The following PPP1R12B variants were observed in gnomAD, a reference collection of about 807,000 sequenced individuals.
The protein encoded by PPP1R12B is myosin phosphatase target subunit 2.
In PPP1R12B, 76 loss-of-function variants were observed where a neutral mutation model predicts 126.1. The ratio of observed to expected loss-of-function variants is 0.60; its 90% CI spans 0.50 to 0.73. The LOEUF (loss-of-function observed/expected upper bound fraction) is 0.73, where lower values mean the gene tolerates loss of function less well. PPP1R12B is among the 30% of genes least tolerant of loss of function. The pLI is 0.00. For missense variants in PPP1R12B, 1,052 were observed against 1,205.1 expected, an observed-to-expected ratio of 0.87 and a Z score of 1.88; for synonymous variants, 356 against 434.7, an observed-to-expected ratio of 0.82 and a Z score of 2.25.
intron 18 of PPP1R12B, among the ~76,000 whole-genome samples, chr1:202,536,471 C>T (rs1182175348): frequency 6.6e-6 from 1 of 152,178 alleles, no homozygotes; most frequent in Non-Finnish European, 1.5e-5. Context: ...TGAATGAATG[C>T]ACCTTACAGG....
At position 202,516,793 on chromosome 1, in the gene PPP1R12B, T is replaced by G. The variant is rs868696984; in HGVS notation, c.2490+19971T>G. Among the ~76,000 whole-genome samples, 5 of 152,246 alleles carry G rather than the reference T, an allele frequency of 3.3e-5. 1 individual carries two copies. In the South Asian group the frequency reaches 1.0e-3, roughly 31 times the overall value. ...GTTAAGAATAGATGGCAGGTCAACA[T>G]TCTTGCCTACTCCTGCAAGAGCATC... On this transcript the variant is annotated intron_variant, in intron 18 of 23. Coordinates refer to ENST00000608999, the MANE Select transcript of PPP1R12B (RefSeq NM_002481.4).
At chr1:202,511,063 ATATATAT>A (rs1681434606) in intron 18 of PPP1R12B, among the ~76,000 whole-genome samples, 1 of 146,956 alleles carries the variant, frequency 6.8e-6, no homozygotes, top group Non-Finnish European at 1.5e-5. Context: ...ATAATATATA[ATATATAT>A]TATATATATT....
rs1486965775 is a variant in PPP1R12B at position 202,371,204 on chromosome 1, A to G, written c.291+22062A>G. On this transcript the variant is annotated intron_variant, in intron 1 of 23. Coordinates refer to ENST00000608999, the MANE Select transcript of PPP1R12B (RefSeq NM_002481.4). ...CTATTTTTTTTTTTTTTTTTTTTGT[A>G]GAGACAGAGTCCTGCTATGTTGCTC... is the stretch of plus-strand genomic sequence containing the variant. Among the ~76,000 whole-genome samples, 5 of 95,570 alleles carry G rather than the reference A, an allele frequency of 5.2e-5. No homozygotes were observed. The Admixed American group carries it at 6.1e-4, about 12-fold the overall frequency. 62.7% of individuals were successfully genotyped at this position (95,570 alleles called of 152,430 possible).
At chr1:202,563,823 G>A (rs972672806) in intron 20 of PPP1R12B, among the ~76,000 whole-genome samples, 2 of 151,958 alleles carry the variant, frequency 1.3e-5, no homozygotes, top group Non-Finnish European at 2.9e-5. Context: ...ATCCCAGCAC[G>A]TTGGGAGGGT....
intron 18 of PPP1R12B, among the ~76,000 whole-genome samples, chr1:202,522,488 G>T (rs1682879717): frequency 6.6e-6 from 1 of 151,912 alleles, no homozygotes; most frequent in Non-Finnish European, 1.5e-5. Flanking sequence ...ATCAGTAGGG[G>T]AAAGAGAAAA....
chr1:202,386,598 C>T (rs1441980573), intron 1 of PPP1R12B, among the ~76,000 whole-genome samples: 2 of 152,196 alleles, frequency 1.3e-5, no homozygotes, highest in East Asian at 3.9e-4. Flanking sequence ...GGATTACAGG[C>T]GTGAGCCACG....
intron 1 of PPP1R12B, among the ~76,000 whole-genome samples, chr1:202,351,188 G>C (rs961657777): frequency 2.0e-5 from 3 of 151,274 alleles, no homozygotes; most frequent in African/African-American, 4.9e-5. Flanking sequence ...GTTACAATGT[G>C]TGTCTCCATG....
intron 22 of PPP1R12B, among the ~76,000 whole-genome samples, 180 bp downstream of exon 22, chr1:202,568,011 T>C (rs1688220044): frequency 6.6e-6 from 1 of 152,320 alleles, no homozygotes. Context: ...ATTTGATTGC[T>C]AGTCCTTTTG....
At chr1:202,482,060 A>T (rs968379452) in intron 13 of PPP1R12B, among the ~76,000 whole-genome samples, 5 of 152,020 alleles carry the variant, frequency 3.3e-5, no homozygotes, top group African/African-American at 1.2e-4. Context: ...GTTGTTGCAA[A>T]TGACAAGATT....
intron 10 of PPP1R12B, chr1:202,439,329 A>G (rs1272673045): frequency 9.9e-6 from 14 of 1,417,668 alleles, no homozygotes; most frequent in Non-Finnish European, 6.0e-6. Flanking sequence ...GGCAGCCCTG[A>G]AGCTGGAACC....
In PPP1R12B at chr1:202,394,966, A is replaced by G. The variant is rs138962010; in HGVS notation, c.292-21821A>G. On this transcript the variant is annotated intron_variant, in intron 1 of 23. Transcript: ENST00000608999. ...AACCCTGTCTCTACTAAAAATACAA[A>G]AATTAGCTGGATGTGGTAGTGGGCG... Among the ~76,000 whole-genome samples the G allele has an allele frequency of 7.1e-3, 1,074 of 151,990 alleles. 12 individuals are homozygous for G. The highest frequency in any genetic ancestry group is 0.025 in the African/African-American group (1,032 of 41,470).
intron 18 of PPP1R12B, among the ~76,000 whole-genome samples, chr1:202,542,697 A>G (rs1430222129): frequency 6.6e-6 from 1 of 151,950 alleles, no homozygotes; most frequent in Non-Finnish European, 1.5e-5. Context: ...TCCCAGTCAT[A>G]CTCTCTGGGA....
chr1:202,390,848 G>A (rs2843409), intron 1 of PPP1R12B, among the ~76,000 whole-genome samples: 70,708 of 151,842 alleles, frequency 0.47, 16,899 homozygotes, highest in Middle Eastern at 0.63. Context: ...GATCACTTGA[G>A]TCCTGGAGTT....
intron 1 of PPP1R12B, among the ~76,000 whole-genome samples, chr1:202,402,679 C>T (rs996116250): frequency 5.9e-5 from 9 of 152,152 alleles, no homozygotes; most frequent in African/African-American, 9.7e-5. Context: ...TCCTTGGCCT[C>T]GGACAGTGCT....
At position 202,562,867 on chromosome 1, in the gene PPP1R12B, G is replaced by A. The variant is rs377041703; in HGVS notation, c.2597G>A (p.Arg866His). The change falls in exon 20 of 24, where the codon CGC (arginine) becomes CAC (histidine). Residue 866 changes from arginine (R) to histidine (H), a missense_variant. Arg to His is a conservative substitution (Grantham distance 29). Transcript: ENST00000608999. ...GCCCGTCGGGAGGCCCGGGAGGCCC[G>A]CCTAGCCACCCTGACCAGCCGTGTA... Reference protein sequence around the residue: ...ARARREAREARLATLTSRVEE... With the variant: ...ARARREAREAHLATLTSRVEE... 48 of 1,612,254 alleles carry A rather than the reference G, an allele frequency of 3.0e-5. No individual in the cohort carries two copies. Among genetic ancestry groups the A allele is most frequent in the South Asian group, 2.2e-5 (2 of 90,788 alleles).
rs868396937 is a variant in PPP1R12B at position 202,585,647 on chromosome 1, T to C, written c.*5087T>C. The C allele has an allele frequency of 2.6e-5, 4 of 152,384 alleles. No homozygotes were observed. The highest frequency in any genetic ancestry group is 3.4e-3 in the Middle Eastern group (1 of 294). The allele number at this position is 152,384 out of a possible 1,614,324, so 9.4% of individuals were successfully genotyped here. On this transcript the variant is annotated 3_prime_UTR_variant, in exon 24 of 24. Coordinates refer to ENST00000608999, the MANE Select transcript of PPP1R12B (RefSeq NM_002481.4). ...AATCCAAGTCCAGAATTTTTTGTTT[T>C]CTTCTGGATTTAAACTGTTTAATAT...
intron 1 of PPP1R12B, among the ~76,000 whole-genome samples, chr1:202,384,429 G>A (rs567444230): frequency 4.6e-4 from 70 of 152,240 alleles, no homozygotes; most frequent in African/African-American, 1.6e-3. Context: ...AAAACATTAC[G>A]CGAAGTGAAA....
At chr1:202,480,885 A>G (rs1677264080) in intron 13 of PPP1R12B, among the ~76,000 whole-genome samples, 1 of 152,198 alleles carries the variant, frequency 6.6e-6, no homozygotes. Context: ...AATATGAAAA[A>G]TCTATTAATA....
chr1:202,462,697 C>T (rs751584037), intron 13 of PPP1R12B: 112 of 914,426 alleles, frequency 1.2e-4, no homozygotes, highest in Non-Finnish European at 1.3e-4. Flanking sequence ...TCATTCAACC[C>T]TCCCTTGTTT....
Sources: allele counts gnomAD v4.1 joint callset (sites outside exome capture counted in the v4.1 genomes callset), GRCh38; gene constraint gnomAD v4.1.1; transcripts MANE v1.5; gene names NCBI Gene and HGNC (gene_info 2026-07-23, HGNC 2026-07-21).